Variants in SCHIP1 observed in about 807,000 individuals in gnomAD.
The protein encoded by SCHIP1 is schwannomin interacting protein 1.
In SCHIP1, 8 loss-of-function variants were observed where a neutral mutation model predicts 29.7. That is an observed-to-expected ratio of 0.27 (90% CI 0.16 to 0.49). SCHIP1 has a LOEUF of 0.49. Among genes scored for constraint, SCHIP1 ranks in the 20% least tolerant of loss-of-function variants. The pLI is 0.99. For synonymous variants in SCHIP1, 76 were observed against 94.9 expected, an observed-to-expected ratio of 0.80 and a Z score of 1.16; for missense variants, 193 against 294.6, an observed-to-expected ratio of 0.66 and a Z score of 2.52.
At chr3:159,307,897 G>A in the SCHIP1 span, among the ~76,000 whole-genome samples, 1 of 152,058 alleles carries the variant, frequency 6.6e-6, no homozygotes, top group Non-Finnish European at 1.5e-5. Flanking sequence ...GTATAGGTTT[G>A]TTTCTGAGTT....
the SCHIP1 span, among the ~76,000 whole-genome samples, chr3:159,523,044 T>C: frequency 6.6e-6 from 1 of 152,192 alleles, no homozygotes; most frequent in Admixed American, 6.5e-5. Flanking sequence ...CTATCACATA[T>C]TGGCCAGTAC....
chr3:159,820,389 GA>G, the SCHIP1 span, among the ~76,000 whole-genome samples: 2 of 152,060 alleles, frequency 1.3e-5, no homozygotes, highest in South Asian at 4.2e-4. Flanking sequence ...CTAAACACTT[GA>G]AATTATAATT....
At chr3:159,469,818 A>G in the SCHIP1 span, among the ~76,000 whole-genome samples, 1 of 152,320 alleles carries the variant, frequency 6.6e-6, no homozygotes, top group East Asian at 1.9e-4. Context: ...ACCCAGTACA[A>G]ACTATGAAGC....
At chr3:159,683,393 G>A in the SCHIP1 span, among the ~76,000 whole-genome samples, 4 of 151,916 alleles carry the variant, frequency 2.6e-5, no homozygotes, top group South Asian at 2.1e-4. Context: ...TCTTTCACAT[G>A]AACACTAAAG....
At chr3:159,401,216 G>A in the SCHIP1 span, 60 of 937,168 alleles carry the variant, frequency 6.4e-5, 1 homozygote, top group African/African-American at 9.3e-4. Flanking sequence ...TGTAATAAGT[G>A]AACTGACCAT....
the SCHIP1 span, among the ~76,000 whole-genome samples, chr3:159,327,207 C>A: frequency 6.6e-6 from 1 of 152,146 alleles, no homozygotes; most frequent in African/African-American, 2.4e-5. Context: ...TGGAGCTGGG[C>A]AACCAGGATT....
chr3:159,794,149 T>G, the SCHIP1 span, among the ~76,000 whole-genome samples: 1 of 152,222 alleles, frequency 6.6e-6, no homozygotes, highest in Non-Finnish European at 1.5e-5. Flanking sequence ...GGGGTCATTA[T>G]TCTGCCTACC....
the SCHIP1 span, among the ~76,000 whole-genome samples, chr3:159,364,077 A>T: frequency 0.79 from 120,612 of 152,132 alleles, 48,332 homozygotes; most frequent in African/African-American, 0.87. Flanking sequence ...AATAATAGTA[A>T]AATACAGATT....
the SCHIP1 span, among the ~76,000 whole-genome samples, chr3:159,728,313 G>C: frequency 6.6e-6 from 1 of 152,108 alleles, no homozygotes; most frequent in Non-Finnish European, 1.5e-5. Context: ...TGGGTAGGTG[G>C]CCAATATTGT....
At chr3:159,435,598 C>T in the SCHIP1 span, among the ~76,000 whole-genome samples, 5 of 152,212 alleles carry the variant, frequency 3.3e-5, no homozygotes, top group African/African-American at 9.6e-5. Flanking sequence ...TTGCCTTTGG[C>T]GCCTCACAAT....
the SCHIP1 span, among the ~76,000 whole-genome samples, chr3:159,352,879 A>C: frequency 6.6e-6 from 1 of 152,152 alleles, no homozygotes; most frequent in African/African-American, 2.4e-5. Context: ...GTTTTTAAAA[A>C]GTAGTCAATT....
At chr3:159,568,963 A>C in the SCHIP1 span, among the ~76,000 whole-genome samples, 1 of 152,180 alleles carries the variant, frequency 6.6e-6, no homozygotes, top group Non-Finnish European at 1.5e-5. Flanking sequence ...AGGTAGAGAA[A>C]GACCATTTTA....
the SCHIP1 span, among the ~76,000 whole-genome samples, chr3:159,362,032 G>A: frequency 1.4e-3 from 217 of 152,284 alleles, no homozygotes; most frequent in African/African-American, 5.1e-3. Flanking sequence ...TATAGTTGGT[G>A]AAGTCATTTG....
chr3:159,536,329 G>A, the SCHIP1 span, among the ~76,000 whole-genome samples: 1 of 152,122 alleles, frequency 6.6e-6, no homozygotes, highest in Non-Finnish European at 1.5e-5. Context: ...ATATGTAGTG[G>A]GGACTGTGAT....
the SCHIP1 span, among the ~76,000 whole-genome samples, chr3:159,534,222 C>A: frequency 1.3e-5 from 2 of 152,118 alleles, no homozygotes; most frequent in Non-Finnish European, 2.9e-5. Flanking sequence ...AGATAAAATT[C>A]TCTACTTCTA....
the SCHIP1 span, among the ~76,000 whole-genome samples, chr3:159,446,964 T>C: frequency 7.5e-3 from 1,136 of 152,292 alleles, 6 homozygotes; most frequent in African/African-American, 0.026. Flanking sequence ...ATACAACTTA[T>C]ACATGTGGCA....
At chr3:159,826,488 C>T in the SCHIP1 span, among the ~76,000 whole-genome samples, 2 of 152,226 alleles carry the variant, frequency 1.3e-5, no homozygotes, top group African/African-American at 4.8e-5. Flanking sequence ...CAGCCAGTTG[C>T]TCTTCCTCAC....
chr3:159,648,445 C>A, the SCHIP1 span, among the ~76,000 whole-genome samples: 1 of 152,114 alleles, frequency 6.6e-6, no homozygotes, highest in African/African-American at 2.4e-5. Context: ...TAATGCCTAC[C>A]TTAACAGATG....
At chr3:159,275,487 A>G in the SCHIP1 span, among the ~76,000 whole-genome samples, 1 of 152,118 alleles carries the variant, frequency 6.6e-6, no homozygotes, top group Non-Finnish European at 1.5e-5. Context: ...ATGGTGTCAG[A>G]TTTTATTCTG....
Sources: allele counts gnomAD v4.1 joint callset (sites outside exome capture counted in the v4.1 genomes callset), GRCh38; gene constraint gnomAD v4.1.1; transcripts MANE v1.5; gene names NCBI Gene and HGNC (gene_info 2026-07-23, HGNC 2026-07-21).